The following OPRM1 variants were observed in gnomAD, a reference collection of about 807,000 sequenced individuals.
OPRM1 encodes mu-type opioid receptor.
Under a neutral mutation model 31.8 loss-of-function variants are expected in OPRM1, and 27 were observed. The ratio of observed to expected loss-of-function variants is 0.85; its 90% CI spans 0.63 to 1.17. OPRM1 has a LOEUF of 1.17. Among genes scored for constraint, OPRM1 ranks in the 50% most tolerant of loss-of-function variants. The pLI is 0.00. For synonymous variants in OPRM1, 196 were observed against 189.9 expected, an observed-to-expected ratio of 1.03 and a Z score of -0.26; for missense variants, 536 against 511.1, an observed-to-expected ratio of 1.05 and a Z score of -0.47.
chr6:154,220,150 C>T lies in OPRM1; in HGVS notation c.1165-26543C>T, dbSNP rs1778748753. Among the ~76,000 whole-genome samples, 6 of 152,162 alleles carry T rather than the reference C, an allele frequency of 3.9e-5. No homozygotes were observed. The East Asian group carries it at 9.6e-4, about 24-fold the overall frequency. On this transcript the variant is annotated intron_variant, in intron 3 of 3. Coordinates refer to the OPRM1 transcript ENST00000337049. Reference sequence around the variant, plus strand: ...ATCATTATAAGTAAAACAGGTTAAGCGTAAGCTCTGTGAATGGAGGAATTA... The same window carrying T: ...ATCATTATAAGTAAAACAGGTTAAGTGTAAGCTCTGTGAATGGAGGAATTA...
At chr6:154,185,191 A>T (rs1801227844) in intron 3 of OPRM1, among the ~76,000 whole-genome samples, 2 of 152,166 alleles carry the variant, frequency 1.3e-5, no homozygotes, top group Non-Finnish European at 2.9e-5. Flanking sequence ...TTTTGAGAAA[A>T]CAGAGCCTAG....
chr6:154,132,818 C>T (rs1797957938), downstream of OPRM1, among the ~76,000 whole-genome samples: 1 of 152,058 alleles, frequency 6.6e-6, no homozygotes, highest in African/African-American at 2.4e-5. Flanking sequence ...AACATGAAAA[C>T]ACTTTATGGT....
rs1486018284 is a variant in OPRM1, at chr6:154,067,426, TC to T, written c.291-22399del. 1.4e-4 allele frequency among the ~76,000 whole-genome samples: 22 copies of T among 152,034 alleles called. No individual in the cohort carries two copies. The South Asian group carries it at 4.3e-3, about 30-fold the overall frequency. On this transcript the variant is annotated intron_variant, in intron 1 of 3. Coordinates refer to ENST00000330432, the MANE Select transcript of OPRM1 (RefSeq NM_000914.5). ...TGAACCATTGTTTATTTAAGAGTGTTCTTAATTTTCACAAACCTGTGAATTT... is the reference window on the plus strand; with the variant it reads ...TGAACCATTGTTTATTTAAGAGTGTTTTAATTTTCACAAACCTGTGAATTT...
chr6:154,170,310 T>C (rs1357690599), intron 3 of OPRM1, among the ~76,000 whole-genome samples: 2 of 152,182 alleles, frequency 1.3e-5, no homozygotes, highest in African/African-American at 2.4e-5. Flanking sequence ...ATAGAAAGTA[T>C]GGCATTAGAG....
At chr6:154,165,125 G>A (rs1799323557) in intron 3 of OPRM1, among the ~76,000 whole-genome samples, 2 of 152,044 alleles carry the variant, frequency 1.3e-5, no homozygotes. Flanking sequence ...CATTTCCTCT[G>A]TGTATGATAT....
Position 154,091,426 on chromosome 6 carries a change from G to A in OPRM1, c.1118G>A (p.Arg373Lys), listed in dbSNP as rs202118803. ...QNSTRIRQNT[R>K]DHPSTANTVD... is the part of the protein sequence containing the mutation. ...TCCACTCGAATTCGTCAGAACACTA[G>A]AGACCACCCCTCCACGGCCAATACA... Residue 373 changes from arginine to lysine, a missense_variant, in exon 3 of 4, where the codon AGA becomes AAA. Physicochemically the swap from Arg to Lys is conservative, Grantham distance 26. Transcript: ENST00000330432. 2.8e-5 allele frequency: 45 copies of A among 1,613,816 alleles called. No homozygotes were observed. The highest frequency in any genetic ancestry group is 1.7e-4 in the Middle Eastern group (1 of 6,060).
intron 1 of OPRM1, among the ~76,000 whole-genome samples, chr6:154,082,495 A>G (rs554340938): frequency 1.3e-5 from 2 of 152,318 alleles, no homozygotes; most frequent in South Asian, 4.1e-4. Context: ...ACTTCTACAA[A>G]AGGTAATTTT....
rs560926160 is a variant in OPRM1, at chr6:154,121,781, G to A, written c.*3060G>A. Among the ~76,000 whole-genome samples, 43 of 152,178 alleles carry A rather than the reference G, an allele frequency of 2.8e-4. No homozygotes were observed. Among genetic ancestry groups the A allele is most frequent in the Non-Finnish European group, 4.7e-4 (32 of 67,996 alleles). ...AAGAAAACACCTCTGCAAAGATTCCGACCACATTTATCAAAAAGTCCCCAA... is the reference window on the plus strand; with the variant it reads ...AAGAAAACACCTCTGCAAAGATTCCAACCACATTTATCAAAAAGTCCCCAA... On this transcript the variant is annotated 3_prime_UTR_variant, in exon 4 of 4. Coordinates refer to ENST00000330432, the MANE Select transcript of OPRM1 (RefSeq NM_000914.5).
intron 1 of OPRM1, among the ~76,000 whole-genome samples, chr6:154,071,752 G>C (rs12213257): frequency 1.3e-5 from 2 of 152,188 alleles, no homozygotes; most frequent in Admixed American, 6.5e-5. Context: ...AAGCATGTAA[G>C]GCTAGAGTTG....
At position 154,130,934 on chromosome 6, in the gene OPRM1, G is replaced by A. The variant is rs1273765647; in HGVS notation, c.*12213G>A. ...ATGTAAAACAATGAGTGATCTTGTT[G>A]TTTTCATTTTATTATGTTATATGAA... On this transcript the variant is annotated 3_prime_UTR_variant, in exon 4 of 4. Transcript: ENST00000330432. Among the ~76,000 whole-genome samples, 1 of 151,268 alleles carries A rather than the reference G, an allele frequency of 6.6e-6. No homozygotes were observed. The highest frequency in any genetic ancestry group is 1.5e-5 in the Non-Finnish European group (1 of 67,862).
chr6:154,010,981 G>A (rs1777693484), exon 1 of OPRM1: 1 of 1,292,660 alleles, frequency 7.7e-7, no homozygotes, highest in Non-Finnish European at 1.0e-6. Flanking sequence ...GGCAGGAGAA[G>A]CAGCACAAGG....
At chr6:154,209,295 A>G (rs1346788213) in intron 3 of OPRM1, among the ~76,000 whole-genome samples, 5 of 152,202 alleles carry the variant, frequency 3.3e-5, no homozygotes, top group Admixed American at 3.3e-4. Flanking sequence ...CTAGGCTTGT[A>G]TATCTAAGTC....
At chr6:154,142,241 C>A (rs1004570964) in intron 3 of OPRM1, among the ~76,000 whole-genome samples, 2 of 53,298 alleles carry the variant, frequency 3.8e-5, no homozygotes, top group African/African-American at 1.3e-4. Context: ...GTCACACTGC[C>A]CCTCTAAAAT....
At chr6:154,037,469 C>G (rs982215456), upstream of OPRM1, among the ~76,000 whole-genome samples, 128 of 151,478 alleles carry the variant, frequency 8.5e-4, no homozygotes, top group African/African-American at 2.9e-3. Flanking sequence ...AAATTTAGGT[C>G]ATTATTTTTA....
In OPRM1 at chr6:154,107,953, T is replaced by TTTTATTTTATTTTATTTTA. The variant is rs61614242; in HGVS notation, c.1165-10727_1165-10726insATTTTATTTTATTTTATTT. 718 of 518,110 alleles carry TTTTATTTTATTTTATTTTA rather than the reference T, an allele frequency of 1.4e-3. 10 individuals carry two copies. In the African/African-American group the frequency reaches 0.016, roughly 11 times the overall value. The allele number at this position is 518,110 out of a possible 1,614,324, so 32.1% of individuals were successfully genotyped here. On this transcript the variant is annotated intron_variant, in intron 3 of 3. Transcript: ENST00000330432. ...TTTACAGAGGAGATAAACACTGATTTTTTTATTTTATTTTATTTTATTTTA... is the reference window on the plus strand; with the variant it reads ...TTTACAGAGGAGATAAACACTGATTTTTTATTTTATTTTATTTTATTTTATTTTATTTTATTTTATTTTA...
intron 3 of OPRM1, among the ~76,000 whole-genome samples, chr6:154,175,380 C>T (rs1017637764): frequency 2.2e-5 from 3 of 136,024 alleles, no homozygotes; most frequent in African/African-American, 8.8e-5. Context: ...TCAGTGAATC[C>T]AGGAGCTTTT....
chr6:154,241,987 T>G (rs1780634457), intron 3 of OPRM1, among the ~76,000 whole-genome samples: 1 of 152,316 alleles, frequency 6.6e-6, no homozygotes, highest in East Asian at 1.9e-4. Flanking sequence ...AGTTCTGCTA[T>G]TTACTCCTTA....
At chr6:154,222,084 T>C (rs1377559644) in intron 3 of OPRM1, among the ~76,000 whole-genome samples, 1 of 152,220 alleles carries the variant, frequency 6.6e-6, no homozygotes, top group East Asian at 1.9e-4. Context: ...TAATCAGGTA[T>C]GGAACGTCCA....
chr6:154,092,610 T>C (rs1355321520), intron 3 of OPRM1, among the ~76,000 whole-genome samples: 1 of 152,174 alleles, frequency 6.6e-6, no homozygotes, highest in African/African-American at 2.4e-5. Flanking sequence ...GTGCAGTGGC[T>C]TCCTCCTGCT....
Sources: allele counts gnomAD v4.1 joint callset (sites outside exome capture counted in the v4.1 genomes callset), GRCh38; gene constraint gnomAD v4.1.1; transcripts MANE v1.5; gene names NCBI Gene and HGNC (gene_info 2026-07-23, HGNC 2026-07-21).